NMD3: variants seen among roughly 807,000 people sequenced by gnomAD.
NMD3 encodes 60S ribosomal export protein NMD3.
Under a neutral mutation model 73.1 loss-of-function variants are expected in NMD3, and 47 were observed. The observed-to-expected ratio is 0.64, with a 90% CI of 0.51 to 0.82. The LOEUF (loss-of-function observed/expected upper bound fraction) is 0.82. NMD3 is among the 40% of genes least tolerant of loss of function. The probability of loss-of-function intolerance (pLI) is 0.00; values close to 1 mark genes in which losing one functional copy is unlikely to be tolerated. For synonymous variants in NMD3, 210 were observed against 194.5 expected, an observed-to-expected ratio of 1.08 and a Z score of -0.66; for missense variants, 554 against 612.5, an observed-to-expected ratio of 0.90 and a Z score of 1.01.
At chr3:161,224,673 G>A (rs889461921) in intron 2 of NMD3, among the ~76,000 whole-genome samples, 1 of 151,798 alleles carries the variant, frequency 6.6e-6, no homozygotes, top group Non-Finnish European at 1.5e-5. Flanking sequence ...TTTTAGTAGA[G>A]ATGGGGTTTC....
intron 4 of NMD3, among the ~76,000 whole-genome samples, chr3:161,230,774 C>G (rs1346871057): frequency 6.6e-6 from 1 of 152,138 alleles, no homozygotes; most frequent in Non-Finnish European, 1.5e-5. Context: ...GTGGTAACAG[C>G]AGGGAAGGTG....
rs900181498 is a variant in NMD3 at position 161,221,375 on chromosome 3, T to G, written c.-55T>G. Reference sequence around the variant, plus strand: ...AGCCGGGGTCTATTTTGTTGCGGGTTTTCAGCAAATCCAGGGCTGGTCTGG... The same window carrying G: ...AGCCGGGGTCTATTTTGTTGCGGGTGTTCAGCAAATCCAGGGCTGGTCTGG... On this transcript the variant is annotated 5_prime_UTR_variant, in exon 1 of 16. Coordinates refer to ENST00000351193, the MANE Select transcript of NMD3 (RefSeq NM_015938.5). 2 of 152,234 alleles carry G rather than the reference T, an allele frequency of 1.3e-5. No individual in the cohort carries two copies. The highest frequency in any genetic ancestry group is 4.8e-5 in the African/African-American group (2 of 41,446). 9.4% of individuals were successfully genotyped at this position (152,234 alleles called of 1,614,324 possible).
intron 13 of NMD3, 100 bp downstream of exon 13, chr3:161,247,430 C>A: frequency 9.6e-6 from 6 of 624,060 alleles, no homozygotes; most frequent in South Asian, 5.4e-5. Flanking sequence ...AATAACAAAT[C>A]AATTTAGAGA....
chr3:161,251,452 T>C lies in NMD3; in HGVS notation c.*542T>C, dbSNP rs1737484025. Reference sequence around the variant, plus strand: ...CAGGAGGCAAGTCAATCTTTTTTATTTCCTTATAAAATTAACTCTTCAAAA... The same window carrying C: ...CAGGAGGCAAGTCAATCTTTTTTATCTCCTTATAAAATTAACTCTTCAAAA... On this transcript the variant is annotated 3_prime_UTR_variant, in exon 16 of 16. Coordinates refer to ENST00000351193, the MANE Select transcript of NMD3 (RefSeq NM_015938.5). 6.6e-6 allele frequency: 1 copy of C among 152,146 alleles called. No homozygotes were observed. Among genetic ancestry groups the C allele is most frequent in the Non-Finnish European group, 1.5e-5 (1 of 68,016 alleles). The allele number at this position is 152,146 out of a possible 1,614,324, so 9.4% of individuals were successfully genotyped here.
rs376329329 is a variant in NMD3, at chr3:161,221,958, CTTTTTTTTTTTTTTTT to C, written c.-20-21_-20-6del. ...AAAGTGATTTAAATCCCAACATTCT[CTTTTTTTTTTTTTTTT>C]TTTTTTTTTTTTTTAAAAGAACTTA... On this transcript the variant is annotated intron_variant, in intron 1 of 15. Coordinates refer to ENST00000351193, the MANE Select transcript of NMD3 (RefSeq NM_015938.5). 18,698 of 857,276 alleles carry C rather than the reference CTTTTTTTTTTTTTTTT, an allele frequency of 0.022. 494 individuals carry two copies. Among genetic ancestry groups the C allele is most frequent in the African/African-American group, 0.14 (6,427 of 47,074 alleles). The allele number at this position is 857,276 out of a possible 1,614,324, so 53.1% of individuals were successfully genotyped here.
At chr3:161,243,599 A>G (rs901680500) in intron 11 of NMD3, among the ~76,000 whole-genome samples, 26 of 152,138 alleles carry the variant, frequency 1.7e-4, no homozygotes, top group Admixed American at 1.6e-3. Flanking sequence ...TTAGACAACT[A>G]GTGCATTTAT....
At chr3:161,237,414 T>C (rs1228678240) in intron 7 of NMD3, among the ~76,000 whole-genome samples, 4 of 152,120 alleles carry the variant, frequency 2.6e-5, no homozygotes. Flanking sequence ...TTCACAATGA[T>C]TGTATGTGTT....
rs771749405 is a variant in NMD3 at position 161,249,413 on chromosome 3, A to C, written c.1204-41A>C. ...ATTGAATTTTGTGGCCTCACTGTAT[A>C]GTTCCCATTCTTTGTAACTTTACAA... On this transcript the variant is annotated intron_variant, in intron 13 of 15. Transcript: ENST00000351193. 10 of 1,340,350 alleles carry C rather than the reference A, an allele frequency of 7.5e-6. No individual in the cohort carries two copies. The Admixed American group carries it at 1.2e-4, about 16-fold the overall frequency. 83.0% of individuals were successfully genotyped at this position (1,340,350 alleles called of 1,614,324 possible).
At chr3:161,238,020 T>C in intron 7 of NMD3, 93 bp from the exon 8 acceptor site, 1 of 837,474 alleles carries the variant, frequency 1.2e-6, no homozygotes, top group Non-Finnish European at 1.9e-6. Context: ...TGATTTTGTT[T>C]AAAACAGATG....
At chr3:161,242,014 C>G (rs985733331) in intron 10 of NMD3, among the ~76,000 whole-genome samples, 3 of 151,734 alleles carry the variant, frequency 2.0e-5, no homozygotes, top group South Asian at 2.1e-4. Flanking sequence ...TATAAGTTTC[C>G]TTTATACAAA....
In NMD3 at chr3:161,233,398, G is replaced by C. The variant is rs1736615994; in HGVS notation, c.277-1G>C. ...TTCTTTTTGTTTGTGTTTTATTGAA[G>C]GTACGGCTTGTAGATGCAGGCTTTG... On this transcript the variant is annotated splice_acceptor_variant, in intron 4 of 15. Coordinates refer to ENST00000351193, the MANE Select transcript of NMD3 (RefSeq NM_015938.5). LOFTEE classifies it high-confidence loss of function. 1.2e-6 allele frequency: 2 copies of C among 1,605,964 alleles called. No homozygotes were observed. Among genetic ancestry groups the C allele is most frequent in the Non-Finnish European group, 1.7e-6 (2 of 1,175,218 alleles).
At chr3:161,225,205 G>A in intron 3 of NMD3, 141 bp downstream of exon 3, 1 of 926,716 alleles carries the variant, frequency 1.1e-6, no homozygotes, top group Non-Finnish European at 1.6e-6. Flanking sequence ...TGTCGCCAAA[G>A]ATTTTAGAAT....
At chr3:161,229,564 G>A (rs1736456050) in intron 4 of NMD3, among the ~76,000 whole-genome samples, 1 of 152,152 alleles carries the variant, frequency 6.6e-6, no homozygotes, top group South Asian at 2.1e-4. Flanking sequence ...TACTGAGTAG[G>A]CAGGTTGATA....
At chr3:161,252,498 G>C (rs1354537672), downstream of NMD3, among the ~76,000 whole-genome samples, 2 of 152,078 alleles carry the variant, frequency 1.3e-5, no homozygotes, top group Non-Finnish European at 2.9e-5. Context: ...GAAACTTCTT[G>C]GTTGAAAGGC....
intron 11 of NMD3, among the ~76,000 whole-genome samples, chr3:161,245,197 TG>T (rs1560074049): frequency 6.6e-6 from 1 of 151,820 alleles, no homozygotes; most frequent in Non-Finnish European, 1.5e-5. Flanking sequence ...AAAAATAACT[TG>T]TGATAATTTG....
chr3:161,247,094 A>G (rs1412586432), intron 12 of NMD3, among the ~76,000 whole-genome samples, 164 bp from the exon 13 acceptor site: 1 of 152,222 alleles, frequency 6.6e-6, no homozygotes, highest in East Asian at 1.9e-4. Context: ...TGTCTTTACC[A>G]GCATCTACAG....
chr3:161,248,073 A>G (rs1312595463), intron 13 of NMD3, among the ~76,000 whole-genome samples: 1 of 152,038 alleles, frequency 6.6e-6, no homozygotes, highest in Non-Finnish European at 1.5e-5. Context: ...GGTGTCACCT[A>G]TCATGCCTGG....
intron 13 of NMD3, among the ~76,000 whole-genome samples, chr3:161,249,208 C>T (rs1368710820): frequency 6.6e-6 from 1 of 152,130 alleles, no homozygotes; most frequent in Non-Finnish European, 1.5e-5. Context: ...AAACAGTATT[C>T]AGTCACTGAA....
At chr3:161,227,437 A>ATTTTTTTTTTTTTT (rs55825529) in intron 4 of NMD3, 94 bp downstream of exon 4, 2 of 324,472 alleles carry the variant, frequency 6.2e-6, no homozygotes, top group African/African-American at 3.0e-5. Flanking sequence ...TTCAAAAGGA[A>ATTTTTTTTTTTTTT]TTTTTTTTTT....
Sources: allele counts gnomAD v4.1 joint callset (sites outside exome capture counted in the v4.1 genomes callset), GRCh38; gene constraint gnomAD v4.1.1; transcripts MANE v1.5; gene names NCBI Gene and HGNC (gene_info 2026-07-23, HGNC 2026-07-21).